Variants in IRAG2 observed in about 807,000 individuals in gnomAD.
IRAG2 encodes inositol 1,4,5-triphosphate receptor associated 2, also known as lymphoid restricted membrane protein.
IRAG2 carries 45 observed loss-of-function variants against 69.9 expected under a neutral mutation model. That is an observed-to-expected ratio of 0.64 (90% confidence interval 0.51 to 0.83). The LOEUF is 0.83. Among genes scored for constraint, IRAG2 ranks in the 40% least tolerant of loss-of-function variants. The pLI is 0.00. For synonymous variants in IRAG2, 193 were observed against 202.4 expected (o/e 0.95, Z 0.40); for missense variants, 520 against 587.0 (o/e 0.89, Z 1.18).
chr12:25,104,780 A>G (rs1948940577), intron 20 of IRAG2, among the ~76,000 whole-genome samples: 1 of 152,204 alleles, frequency 6.6e-6, no homozygotes, highest in Non-Finnish European at 1.5e-5. Flanking sequence ...GAGCCACAGA[A>G]GTAAAATGTC....
At chr12:25,062,148 G>A (rs751888768) in intron 2 of IRAG2, among the ~76,000 whole-genome samples, 11 of 152,126 alleles carry the variant, frequency 7.2e-5, no homozygotes, top group Non-Finnish European at 1.5e-4. Flanking sequence ...GATACTTGGT[G>A]AATCTCCTTT....
chr12:25,043,948 G>A (rs1358951848), intron 16 of IRAG2, among the ~76,000 whole-genome samples: 1 of 152,076 alleles, frequency 6.6e-6, no homozygotes, highest in Non-Finnish European at 1.5e-5. Context: ...GTGGTCAGAA[G>A]AAAATGCCTG....
At chr12:25,017,127 C>T in intron 5 of IRAG2, 2 of 1,231,544 alleles carry the variant, frequency 1.6e-6, no homozygotes, top group Non-Finnish European at 2.0e-6. Flanking sequence ...TATTCTTTTA[C>T]TTGCAGAGAG....
chr12:25,015,155 G>T (rs111412254), intron 3 of IRAG2: 39,966 of 893,660 alleles, frequency 0.045, 1,154 homozygotes, highest in African/African-American at 0.12. Flanking sequence ...CACTGGTTTT[G>T]TTTTTTTTTT....
chr12:25,079,444 G>A lies in IRAG2; in HGVS notation c.118G>A (p.Gly40Ser), dbSNP rs748322522. ...ACCCAGACACACTTCATCGACAGACGGTACTATAACTTCAAGTGGTAAGTG... is the reference window on the plus strand; with the variant it reads ...ACCCAGACACACTTCATCGACAGACAGTACTATAACTTCAAGTGGTAAGTG... ...PLPRHTSSTDGTITSSDPGLE... is the reference protein window; with the variant it reads ...PLPRHTSSTDSTITSSDPGLE... Residue 40 changes from glycine (G) to serine (S), a missense_variant, in exon 8 of 22, where the codon GGT (glycine) becomes AGT (serine). Transcript: ENST00000556887. 40 of 1,612,868 alleles carry A rather than the reference G, an allele frequency of 2.5e-5. 1 individual carries two copies. Among genetic ancestry groups the A allele is most frequent in the Middle Eastern group, 1.6e-4 (1 of 6,080 alleles).
the IRAG2 span, among the ~76,000 whole-genome samples, chr12:24,998,745 A>G: frequency 6.6e-6 from 1 of 152,184 alleles, no homozygotes; most frequent in Non-Finnish European, 1.5e-5. Flanking sequence ...AGGATCTCAC[A>G]TAGATGAATC....
intron 14 of IRAG2, 124 bp downstream of exon 14, chr12:25,090,321 C>A: frequency 2.5e-6 from 2 of 806,070 alleles, no homozygotes; most frequent in Non-Finnish European, 3.8e-6. Flanking sequence ...GCAGGAGGAT[C>A]ACTTGAGGCC....
upstream of IRAG2, among the ~76,000 whole-genome samples, chr12:25,001,482 G>GA (rs973865716): frequency 2.0e-5 from 3 of 151,674 alleles, no homozygotes; most frequent in East Asian, 5.8e-4. Flanking sequence ...ATGGTTAAAG[G>GA]AAAAAAAATG....
chr12:25,096,676 A>C (rs1948438565), intron 14 of IRAG2, among the ~76,000 whole-genome samples: 1 of 152,168 alleles, frequency 6.6e-6, no homozygotes, highest in Admixed American at 6.5e-5. Context: ...GTAAAGAAAA[A>C]AGGGATCAAG....
At chr12:25,003,898 C>T (rs1194999955), upstream of IRAG2, among the ~76,000 whole-genome samples, 1 of 152,158 alleles carries the variant, frequency 6.6e-6, no homozygotes, top group East Asian at 1.9e-4. Flanking sequence ...TTGTCACCTG[C>T]CCTATTATAA....
In IRAG2 at chr12:25,107,836, T is replaced by C. The variant is rs1379629690; in HGVS notation, c.1276T>C (p.Trp426Arg). Reference protein sequence around the residue: ...VSSVYDTIASWATNLKSSIRK... With the variant: ...VSSVYDTIASRATNLKSSIRK... ...TTATAGTTATGACACAATAGCTTCC[T>C]GGGCAACAAATCTCAAGTCCTCCAT... is the stretch of plus-strand genomic sequence containing the variant. Residue 426 changes from tryptophan (W) to arginine (R), a missense_variant, in exon 22 of 22, where the codon TGG (tryptophan) becomes CGG (arginine). By Grantham distance (101) the Trp-to-Arg change is moderately radical. Coordinates refer to ENST00000556887, the MANE Select transcript of IRAG2 (RefSeq NM_001366544.2). The C allele has an allele frequency of 5.6e-6, 9 of 1,613,576 alleles. No homozygotes were observed. In the South Asian group the frequency reaches 9.9e-5, roughly 18 times the overall value.
intron 11 of IRAG2, 87 bp downstream of exon 11, chr12:25,088,244 T>TC (rs1444693229): frequency 1.2e-5 from 13 of 1,063,650 alleles, no homozygotes; most frequent in Non-Finnish European, 1.7e-5. Context: ...TAAAGCTATG[T>TC]CACTTACAAA....
chr12:25,068,851 C>A (rs1355488430), intron 5 of IRAG2, among the ~76,000 whole-genome samples: 1 of 152,160 alleles, frequency 6.6e-6, no homozygotes, highest in Non-Finnish European at 1.5e-5. Context: ...GGGCATTGAT[C>A]ACAATATCAA....
intron 9 of IRAG2, among the ~76,000 whole-genome samples, chr12:25,028,478 A>G (rs1591930422): frequency 6.6e-6 from 1 of 152,164 alleles, no homozygotes; most frequent in Non-Finnish European, 1.5e-5. Context: ...ACCAACCTCA[A>G]CCTGAGATAA....
chr12:25,044,160 T>G (rs907359243), intron 16 of IRAG2, among the ~76,000 whole-genome samples: 13 of 151,992 alleles, frequency 8.6e-5, no homozygotes, highest in African/African-American at 1.2e-4. Flanking sequence ...GAGAGAGTAA[T>G]AGAATAGAGT....
chr12:25,104,355 AT>A lies in IRAG2; in HGVS notation c.1047-3del. ...TTGACAAGTGGCTATAATCATCTTTATTTAGGCGTATTTTGGGGTCAAAGCA... is the reference window on the plus strand; with the variant it reads ...TTGACAAGTGGCTATAATCATCTTTATTAGGCGTATTTTGGGGTCAAAGCA... On this transcript the variant is annotated splice_polypyrimidine_tract_variant and splice_region_variant and intron_variant, in intron 19 of 21. Coordinates refer to ENST00000556887, the MANE Select transcript of IRAG2 (RefSeq NM_001366544.2). The A allele has an allele frequency of 6.3e-7, 1 of 1,575,716 alleles. No homozygotes were observed. The highest frequency in any genetic ancestry group is 8.7e-7 in the Non-Finnish European group (1 of 1,145,060).
intron 6 of IRAG2, among the ~76,000 whole-genome samples, chr12:25,075,530 G>A (rs1213424964): frequency 7.3e-6 from 1 of 137,908 alleles, no homozygotes; most frequent in African/African-American, 2.8e-5. Flanking sequence ...GCGTGTGTGT[G>A]TGTGTGTGTG....
rs1565562071 is a variant in IRAG2, at chr12:25,077,184, T to TCA, written c.25-2060_25-2059insCA. ...GTGCCTTGTTCATTTCATATATATA[T>TCA]GATATATATATGAAATATATATATG... is the stretch of plus-strand genomic sequence containing the variant. On this transcript the variant is annotated intron_variant, in intron 6 of 21. Transcript: ENST00000556887. Among the ~76,000 whole-genome samples the TCA allele has an allele frequency of 3.0e-3, 343 of 114,172 alleles. 6 individuals carry two copies. Among genetic ancestry groups the TCA allele is most frequent in the African/African-American group, 0.01 (322 of 31,426 alleles). 74.9% of individuals were successfully genotyped at this position (114,172 alleles called of 152,430 possible). A position where few individuals can be genotyped will look rare whatever the true frequency, so the allele number is the denominator to read the frequency against.
At chr12:25,023,758 T>G in intron 7 of IRAG2, 1 of 474,034 alleles carries the variant, frequency 2.1e-6, no homozygotes, top group Non-Finnish European at 3.4e-6. Context: ...TCATTTGTGA[T>G]AGGTGAATGC....
Sources: allele counts gnomAD v4.1 joint callset (sites outside exome capture counted in the v4.1 genomes callset), GRCh38; gene constraint gnomAD v4.1.1; transcripts MANE v1.5; gene names NCBI Gene and HGNC (gene_info 2026-07-23, HGNC 2026-07-21).